Variants in TMOD3 observed in about 807,000 individuals in gnomAD.
TMOD3 encodes tropomodulin 3.
In TMOD3, 20 loss-of-function variants were observed where a neutral mutation model predicts 39.2. That is an observed-to-expected ratio of 0.51 (90% CI 0.36 to 0.74). TMOD3 has a LOEUF of 0.74. Ranked by LOEUF, TMOD3 falls within the 30% of genes least tolerant of loss-of-function variation. The pLI is 0.00. For missense variants in TMOD3, 381 were observed against 412.8 expected (o/e 0.92, Z 0.67); for synonymous variants, 143 against 145.8 (o/e 0.98, Z 0.14).
chr15:51,882,304 C>T (rs527898370), intron 3 of TMOD3, among the ~76,000 whole-genome samples: 5 of 151,674 alleles, frequency 3.3e-5, no homozygotes, highest in Admixed American at 6.6e-5. Flanking sequence ...TTTGGGAGGC[C>T]GAGGCAGGTG....
chr15:51,835,053 T>C (rs910528383), intron 1 of TMOD3: 5 of 152,192 alleles, frequency 3.3e-5, no homozygotes, highest in African/African-American at 1.2e-4. Flanking sequence ...GATGGAAGAA[T>C]GTTAAGTATG....
At chr15:51,860,430 T>A in intron 1 of TMOD3, 1 of 554,698 alleles carries the variant, frequency 1.8e-6, no homozygotes. Flanking sequence ...ATGCATCAGC[T>A]CCATCCTAAA....
At chr15:51,854,703 G>A (rs1365747233) in intron 1 of TMOD3, among the ~76,000 whole-genome samples, 1 of 152,158 alleles carries the variant, frequency 6.6e-6, no homozygotes, top group Non-Finnish European at 1.5e-5. Flanking sequence ...AGTGTTAATT[G>A]ACAATCAAAA....
rs768294615 is a variant in TMOD3, at chr15:51,862,845, C to T, written c.-40C>T. 7 of 1,597,694 alleles carry T rather than the reference C, an allele frequency of 4.4e-6. No homozygotes were observed. The South Asian group carries it at 6.9e-5, about 16-fold the overall frequency. ...AAAGTAGAGATCACTTCTGACTGTA[C>T]TGAACAGCAAAAATTAAGTGACTTG... is the stretch of plus-strand genomic sequence containing the variant. On this transcript the variant is annotated 5_prime_UTR_variant, in exon 2 of 10. Transcript: ENST00000308580.
intron 1 of TMOD3, among the ~76,000 whole-genome samples, chr15:51,832,211 A>ATATATATATATATATATATATC (rs2094761950): frequency 8.3e-6 from 1 of 119,966 alleles, no homozygotes; most frequent in Non-Finnish European, 1.7e-5. Context: ...AATTATATAT[A>ATATATATATATATATATATATC]TATATATATA....
intron 1 of TMOD3, among the ~76,000 whole-genome samples, chr15:51,855,860 CT>C (rs2056385204): frequency 6.6e-6 from 1 of 152,228 alleles, no homozygotes; most frequent in Admixed American, 6.5e-5. Flanking sequence ...CCTGCTGGCA[CT>C]TGGAACATTG....
intron 1 of TMOD3, among the ~76,000 whole-genome samples, chr15:51,853,172 A>T (rs2056370895): frequency 6.6e-6 from 1 of 152,210 alleles, no homozygotes; most frequent in South Asian, 2.1e-4. Context: ...AATAAGAGGA[A>T]ATAATTGGAT....
chr15:51,893,294 CAAAAAAAAAAAAAAA>C (rs59321162), intron 5 of TMOD3, among the ~76,000 whole-genome samples: 9 of 58,998 alleles, frequency 1.5e-4, no homozygotes, highest in South Asian at 8.7e-4. Context: ...GACTCCATCT[CAAAAAAAAAAAAAAA>C]AAAAAAAAAA....
Position 51,878,376 on chromosome 15 carries a change from ATGTGTG to A in TMOD3, c.283+9029_283+9034del, listed in dbSNP as rs10586896. Reference sequence around the variant, plus strand: ...AACAAGAACCATCTCTTTAAAATATATGTGTGTGTGTGTGTGTGTGTGTGTGTGTGT... The same window carrying A: ...AACAAGAACCATCTCTTTAAAATATATGTGTGTGTGTGTGTGTGTGTGTGT... On this transcript the variant is annotated intron_variant, in intron 3 of 9. Transcript: ENST00000308580. 6.9e-4 allele frequency among the ~76,000 whole-genome samples: 102 copies of A among 147,426 alleles called. 1 individual carries two copies. Among genetic ancestry groups the A allele is most frequent in the African/African-American group, 1.7e-3 (66 of 39,774 alleles).
At chr15:51,831,719 C>G (rs2056256094) in intron 1 of TMOD3, among the ~76,000 whole-genome samples, 1 of 152,048 alleles carries the variant, frequency 6.6e-6, no homozygotes, top group African/African-American at 2.4e-5. Flanking sequence ...TTTCCTTTCT[C>G]TTTGCTAGTT....
At chr15:51,892,901 C>T (rs775373265) in intron 5 of TMOD3, among the ~76,000 whole-genome samples, 36 of 152,066 alleles carry the variant, frequency 2.4e-4, no homozygotes, top group Non-Finnish European at 4.9e-4. Context: ...TATACTAAGA[C>T]AATGAAAATA....
At chr15:51,875,678 C>T (rs1203683822) in intron 3 of TMOD3, among the ~76,000 whole-genome samples, 3 of 146,878 alleles carry the variant, frequency 2.0e-5, no homozygotes, top group Non-Finnish European at 4.5e-5. Context: ...TGCAGTGGCG[C>T]GATCTCGGTT....
chr15:51,840,903 C>A (rs1258917938), intron 1 of TMOD3, among the ~76,000 whole-genome samples: 3 of 152,190 alleles, frequency 2.0e-5, no homozygotes, highest in African/African-American at 7.2e-5. Flanking sequence ...CACCTAATAT[C>A]ACTTAATTTA....
chr15:51,871,903 A>G (rs961732196), intron 3 of TMOD3, among the ~76,000 whole-genome samples: 1 of 152,182 alleles, frequency 6.6e-6, no homozygotes, highest in African/African-American at 2.4e-5. Flanking sequence ...TTTATAATAC[A>G]TTCGGTATTT....
intron 1 of TMOD3, among the ~76,000 whole-genome samples, chr15:51,849,745 A>T (rs1489010438): frequency 3.3e-5 from 5 of 152,178 alleles, no homozygotes; most frequent in African/African-American, 1.2e-4. Flanking sequence ...AGCCTGGCCA[A>T]CATGGTGAAA....
intron 1 of TMOD3, among the ~76,000 whole-genome samples, chr15:51,853,786 C>T (rs2436663): frequency 0.035 from 4,756 of 136,420 alleles, 270 homozygotes; most frequent in African/African-American, 0.12. Flanking sequence ...GAGTCACTGT[C>T]TCTTAAAAAA....
At chr15:51,891,719 G>A (rs985516777) in intron 5 of TMOD3, among the ~76,000 whole-genome samples, 2 of 152,130 alleles carry the variant, frequency 1.3e-5, no homozygotes, top group Non-Finnish European at 2.9e-5. Context: ...TATAAAATTA[G>A]AACTATTCAA....
At position 51,869,318 on chromosome 15, in the gene TMOD3, A is replaced by C. The variant is rs1338028996; in HGVS notation, c.228A>C (p.Glu76Asp). ...ATCTCCTTTCATATCTGGAGAAAGAAGCATTGGAGCATAAAGACAGGGAAG... is the reference window on the plus strand; with the variant it reads ...ATCTCCTTTCATATCTGGAGAAAGACGCATTGGAGCATAAAGACAGGGAAG... ...REHLLSYLEK[E>D]ALEHKDREDY... The change falls in exon 3 of 10, where the codon GAA (glutamate) becomes GAC (aspartate). Residue 76 changes from glutamate (E) to aspartate (D), a missense_variant. Physicochemically the swap from Glu to Asp is conservative, Grantham distance 45. Transcript: ENST00000308580. 1 of 1,614,084 alleles carries C rather than the reference A, an allele frequency of 6.2e-7. No individual in the cohort carries two copies. The highest frequency in any genetic ancestry group is 8.5e-7 in the Non-Finnish European group (1 of 1,180,038).
rs2056721468 is a variant in TMOD3, at chr15:51,913,603, A to T, written c.*4793A>T. On this transcript the variant is annotated 3_prime_UTR_variant, in exon 10 of 10. Coordinates refer to ENST00000308580, the MANE Select transcript of TMOD3 (RefSeq NM_014547.5). ...TTTGATAATAAAACATATTTTATTA[A>T]TTTTAAACTCTATCTTGCAGTCTGA... is the stretch of plus-strand genomic sequence containing the variant. 1 of 152,250 alleles carries T rather than the reference A, an allele frequency of 6.6e-6. No homozygotes were observed. Among genetic ancestry groups the T allele is most frequent in the African/African-American group, 2.4e-5 (1 of 41,464 alleles). 9.4% of individuals were successfully genotyped at this position (152,250 alleles called of 1,614,324 possible).
Sources: gnomAD v4.1 joint callset for allele counts (sites outside exome capture counted in the v4.1 genomes callset) on GRCh38, gnomAD v4.1.1 for gene constraint, MANE v1.5 for transcripts, NCBI Gene and HGNC (gene_info 2026-07-23, HGNC 2026-07-21) for gene names.